The following REEP3 variants were observed in gnomAD, a reference collection of about 807,000 sequenced individuals.
REEP3 encodes the protein receptor accessory protein 3.
REEP3 carries 20 observed loss-of-function variants against 41.3 expected under a neutral mutation model. The observed-to-expected ratio is 0.48, with a 90% CI of 0.34 to 0.70. The LOEUF (loss-of-function observed/expected upper bound fraction) is 0.70, where lower values mean the gene tolerates loss of function less well. REEP3 is among the 30% of genes least tolerant of loss of function. The pLI is 0.01. For missense variants in REEP3, 271 were observed against 308.8 expected (o/e 0.88, Z 0.92); for synonymous variants, 104 against 101.8 (o/e 1.02, Z -0.13).
intron 6 of REEP3, among the ~76,000 whole-genome samples, chr10:63,615,207 T>C (rs1956303156): frequency 6.6e-6 from 1 of 152,202 alleles, no homozygotes; most frequent in Non-Finnish European, 1.5e-5. Context: ...AGTAGTGAGC[T>C]TTTTCGTTTG....
At chr10:63,562,526 G>A (rs1019666138) in intron 1 of REEP3, 1 of 456,378 alleles carries the variant, frequency 2.2e-6, no homozygotes, top group South Asian at 1.5e-5. Context: ...CAAGGTGCTA[G>A]GATTACAGGC....
chr10:63,572,756 G>C (rs1955864561), intron 2 of REEP3, among the ~76,000 whole-genome samples: 1 of 152,096 alleles, frequency 6.6e-6, no homozygotes, highest in African/African-American at 2.4e-5. Flanking sequence ...AAGCTCCATG[G>C]GGAATGTTTT....
chr10:63,598,509 G>T (rs59246276), intron 4 of REEP3, among the ~76,000 whole-genome samples: 227 of 150,270 alleles, frequency 1.5e-3, no homozygotes, highest in African/African-American at 5.1e-3. Context: ...AAAAGGCCGG[G>T]CACGGTGGCT....
intron 3 of REEP3, among the ~76,000 whole-genome samples, chr10:63,595,359 T>C (rs1956104085): frequency 6.6e-6 from 1 of 152,256 alleles, no homozygotes; most frequent in South Asian, 2.1e-4. Context: ...AGTGTGTTTA[T>C]ATCCTCAGGG....
rs1956126178 is a variant in REEP3, at chr10:63,597,512, A to G, written c.183-512A>G. On this transcript the variant is annotated intron_variant, in intron 3 of 7. Transcript: ENST00000373758. ...TACTACAAAGGAAGATTCTTGTATT[A>G]GAATGAGGGGGGAATCTCTCAGGTC... Among the ~76,000 whole-genome samples, 4 of 152,330 alleles carry G rather than the reference A, an allele frequency of 2.6e-5. 1 individual carries two copies. In the South Asian group the frequency reaches 8.3e-4, roughly 32 times the overall value.
chr10:63,596,687 C>T (rs1467610420), intron 3 of REEP3, among the ~76,000 whole-genome samples: 1 of 152,156 alleles, frequency 6.6e-6, no homozygotes, highest in Non-Finnish European at 1.5e-5. Flanking sequence ...AGTACAGTGG[C>T]TTAGAAAAGC....
intron 5 of REEP3, 69 bp from the exon 6 acceptor site, chr10:63,610,118 G>A: frequency 1.5e-6 from 2 of 1,291,926 alleles, no homozygotes; most frequent in Non-Finnish European, 2.2e-6. Context: ...TTAATAAAAT[G>A]TTCAGGGATA....
chr10:63,521,477 C>G lies in REEP3; in HGVS notation c.-69C>G. 9.1e-7 allele frequency: 1 copy of G among 1,098,892 alleles called. No individual in the cohort carries two copies. Among genetic ancestry groups the G allele is most frequent in the Non-Finnish European group, 1.2e-6 (1 of 845,194 alleles). The allele number at this position is 1,098,892 out of a possible 1,614,324, so 68.1% of individuals were successfully genotyped here. A position where few individuals can be genotyped will look rare whatever the true frequency, so the allele number is the denominator to read the frequency against. On this transcript the variant is annotated 5_prime_UTR_variant, in exon 1 of 8. Coordinates refer to ENST00000373758, the MANE Select transcript of REEP3 (RefSeq NM_001001330.3). ...GGAGCCGGCGAAGCGCGCGGCCTGC[C>G]GTTGGCGGCCTGGTCCGCAGCGCCC...
rs1235121334 is a variant in REEP3, at chr10:63,622,453, C to G, written c.*1584C>G. 3 of 152,134 alleles carry G rather than the reference C, an allele frequency of 2.0e-5. No homozygotes were observed. Among genetic ancestry groups the G allele is most frequent in the African/African-American group, 7.2e-5 (3 of 41,424 alleles). The allele number at this position is 152,134 out of a possible 1,614,324, so 9.4% of individuals were successfully genotyped here. A position where few individuals can be genotyped will look rare whatever the true frequency, so the allele number is the denominator to read the frequency against. ...TCCCAACGTTTAATTCTGAATAACT[C>G]TATCTACTTTACCCTAATTTTTAGC... On this transcript the variant is annotated 3_prime_UTR_variant, in exon 8 of 8. Transcript: ENST00000373758.
rs1795063087 is a variant in REEP3 at position 63,521,567 on chromosome 10, A to G, written c.22A>G (p.Arg8Gly). The change falls in exon 1 of 8, where the codon AGA becomes GGA. Residue 8 changes from arginine to glycine, a missense_variant. Coordinates refer to ENST00000373758, the MANE Select transcript of REEP3 (RefSeq NM_001001330.3). The part of the protein sequence containing the change: MVSWMIS[R>G]AVVLVFGMLY... ...GAAGATGGTGTCCTGGATGATCTCC[A>G]GAGCCGTGGTGTAAGTGCCTCTCAC... 4 of 1,423,816 alleles carry G rather than the reference A, an allele frequency of 2.8e-6. No individual in the cohort carries two copies. The highest frequency in any genetic ancestry group is 1.5e-5 in the African/African-American group (1 of 67,438). 88.2% of individuals were successfully genotyped at this position (1,423,816 alleles called of 1,614,324 possible).
At chr10:63,609,526 C>T (rs758027283) in intron 5 of REEP3, among the ~76,000 whole-genome samples, 2 of 151,892 alleles carry the variant, frequency 1.3e-5, no homozygotes, top group African/African-American at 2.4e-5. Flanking sequence ...TTGGGAAGGC[C>T]AAGGCAGGCA....
intron 5 of REEP3, chr10:63,606,173 T>C (rs1044837778): frequency 2.6e-6 from 2 of 782,022 alleles, no homozygotes; most frequent in Non-Finnish European, 3.1e-6. Context: ...TGCTGAAATA[T>C]GGAATTATCT....
intron 1 of REEP3, among the ~76,000 whole-genome samples, chr10:63,541,870 T>A (rs562370987): frequency 6.6e-6 from 1 of 152,322 alleles, no homozygotes; most frequent in East Asian, 1.9e-4. Context: ...CCAGCCAACT[T>A]TGAAATTGTT....
rs1956361395 is a variant in REEP3, at chr10:63,622,520, C to T, written c.*1651C>T. ...GGACTCTAATTTCTATTCCAAATTTCTATGAATTCTAATTGTAAATTATCG... is the reference window on the plus strand; with the variant it reads ...GGACTCTAATTTCTATTCCAAATTTTTATGAATTCTAATTGTAAATTATCG... On this transcript the variant is annotated 3_prime_UTR_variant, in exon 8 of 8. Transcript: ENST00000373758. The T allele has an allele frequency of 6.6e-6, 1 of 152,068 alleles. No homozygotes were observed. Among genetic ancestry groups the T allele is most frequent in the Non-Finnish European group, 1.5e-5 (1 of 68,014 alleles). The allele number at this position is 152,068 out of a possible 1,614,324, so 9.4% of individuals were successfully genotyped here.
rs1485623271 is a variant in REEP3, at chr10:63,624,649, T to C, written c.*3780T>C. The C allele has an allele frequency of 6.6e-6, 1 of 152,144 alleles. No individual in the cohort carries two copies. Among genetic ancestry groups the C allele is most frequent in the Non-Finnish European group, 1.5e-5 (1 of 67,980 alleles). 9.4% of individuals were successfully genotyped at this position (152,144 alleles called of 1,614,324 possible). ...AATTGGTATTACTTATTATTATGTG[T>C]TGATTAAATATATGCACACACTTAG... On this transcript the variant is annotated 3_prime_UTR_variant, in exon 8 of 8. Coordinates refer to ENST00000373758, the MANE Select transcript of REEP3 (RefSeq NM_001001330.3).
intron 1 of REEP3, among the ~76,000 whole-genome samples, chr10:63,539,990 C>A (rs77620050): frequency 6.6e-6 from 1 of 152,060 alleles, no homozygotes; most frequent in African/African-American, 2.4e-5. Context: ...CATTTTAAAA[C>A]GCAACAAAAA....
At chr10:63,587,988 G>A (rs1373496765) in intron 2 of REEP3, among the ~76,000 whole-genome samples, 1 of 152,134 alleles carries the variant, frequency 6.6e-6, no homozygotes, top group African/African-American at 2.4e-5. Flanking sequence ...ACCCAGAACT[G>A]GTGAAGGCAC....
At chr10:63,587,956 TCATTATAGCCCTTGCAC>T (rs1180292700) in intron 2 of REEP3, among the ~76,000 whole-genome samples, 1 of 152,256 alleles carries the variant, frequency 6.6e-6, no homozygotes, top group Non-Finnish European at 1.5e-5. Flanking sequence ...CCTAGACCTT[TCATTATAGCCCTTGCAC>T]CAGCACCCAG....
chr10:63,521,588 C>G lies in REEP3; in HGVS notation c.32+11C>G. 1 of 1,411,120 alleles carries G rather than the reference C, an allele frequency of 7.1e-7. No individual in the cohort carries two copies. Among genetic ancestry groups the G allele is most frequent in the African/African-American group, 1.5e-5 (1 of 67,392 alleles). 87.4% of individuals were successfully genotyped at this position (1,411,120 alleles called of 1,614,324 possible). A position where few individuals can be genotyped will look rare whatever the true frequency, so the allele number is the denominator to read the frequency against. Reference sequence around the variant, plus strand: ...CTCCAGAGCCGTGGTGTAAGTGCCTCTCACTGCGCCCTGCAGCCGGCGCGA... The same window carrying G: ...CTCCAGAGCCGTGGTGTAAGTGCCTGTCACTGCGCCCTGCAGCCGGCGCGA... On this transcript the variant is annotated intron_variant, in intron 1 of 7. Transcript: ENST00000373758.
Sources: gnomAD v4.1 joint callset for allele counts (sites outside exome capture counted in the v4.1 genomes callset) on GRCh38, gnomAD v4.1.1 for gene constraint, MANE v1.5 for transcripts, NCBI Gene and HGNC (gene_info 2026-07-23, HGNC 2026-07-21) for gene names.